Variants in VWC2 observed in about 807,000 individuals in gnomAD.
VWC2 encodes von Willebrand factor C domain containing 2, also known as brorin.
VWC2 carries 14 observed loss-of-function variants against 29.8 expected under a neutral mutation model. The observed-to-expected ratio is 0.47, with a 90% CI of 0.31 to 0.74. The LOEUF (loss-of-function observed/expected upper bound fraction) is 0.74. Among genes scored for constraint, VWC2 ranks in the 30% least tolerant of loss-of-function variants. The probability of loss-of-function intolerance (pLI) is 0.05; values close to 1 mark genes in which losing one functional copy is unlikely to be tolerated. For synonymous variants in VWC2, 213 were observed against 199.0 expected (o/e 1.07, Z -0.59); for missense variants, 457 against 459.8 (o/e 0.99, Z 0.05).
At chr7:49,891,914 T>G (rs946031483) in intron 3 of VWC2, among the ~76,000 whole-genome samples, 1 of 151,460 alleles carries the variant, frequency 6.6e-6, no homozygotes, top group African/African-American at 2.4e-5. Context: ...GAGTAGAAAG[T>G]AAATGTCTAT....
chr7:49,911,201 G>A (rs572281673), intron 3 of VWC2, among the ~76,000 whole-genome samples: 24 of 152,084 alleles, frequency 1.6e-4, no homozygotes, highest in African/African-American at 5.3e-4. Context: ...AATTTTAAAT[G>A]GGCTGGGAGC....
At chr7:49,822,325 C>T (rs142630551) in intron 3 of VWC2, among the ~76,000 whole-genome samples, 54 of 152,314 alleles carry the variant, frequency 3.5e-4, no homozygotes, top group African/African-American at 1.2e-3. Context: ...AGGTAGACCT[C>T]ACATATAATT....
At position 49,798,025 on chromosome 7, in the gene VWC2, T is replaced by G. The variant is rs185434210; in HGVS notation, c.697-4686T>G. ...GTTTCTTCTGGGAAAATGATAACTT[T>G]AGAAGAGGAGAAAAGTTTGTGTCAT... On this transcript the variant is annotated intron_variant, in intron 2 of 3. Coordinates refer to ENST00000340652, the MANE Select transcript of VWC2 (RefSeq NM_198570.5). Among the ~76,000 whole-genome samples the G allele has an allele frequency of 5.3e-5, 8 of 152,354 alleles. No homozygotes were observed. In the East Asian group the frequency reaches 1.5e-3, roughly 29 times the overall value.
chr7:49,848,300 G>A (rs1465245237), intron 3 of VWC2, among the ~76,000 whole-genome samples: 2 of 152,166 alleles, frequency 1.3e-5, no homozygotes, highest in Admixed American at 6.5e-5. Flanking sequence ...AGCCTCCCAC[G>A]GCAGGGTCTT....
chr7:49,871,353 A>G (rs1306983002), intron 3 of VWC2, among the ~76,000 whole-genome samples: 3 of 152,200 alleles, frequency 2.0e-5, no homozygotes, highest in Non-Finnish European at 2.9e-5. Flanking sequence ...GGTATATCCC[A>G]TGGTTTTCTT....
chr7:49,800,568 G>T (rs1450720771), intron 2 of VWC2, among the ~76,000 whole-genome samples: 1 of 152,102 alleles, frequency 6.6e-6, no homozygotes, highest in African/African-American at 2.4e-5. Context: ...CTGGGGCAGG[G>T]TGTTCTGGCT....
chr7:49,775,755 G>C lies in VWC2; in HGVS notation c.320G>C (p.Gly107Ala). The change falls in exon 2 of 4, where the codon GGG becomes GCG. Residue 107 changes from glycine to alanine, a missense_variant. By Grantham distance (60) the Gly-to-Ala change is moderately conservative (BLOSUM62 0). Coordinates refer to ENST00000340652, the MANE Select transcript of VWC2 (RefSeq NM_198570.5). ...TCCCAGGGCGGGGGCGCCAAGGCCG[G>C]GGATCTGCAGGTCCGGCCCCGCGGG... is the stretch of plus-strand genomic sequence containing the variant. ...WVSQGGGAKAGDLQVRPRGDT... is the reference protein window; with the variant it reads ...WVSQGGGAKAADLQVRPRGDT... 5 of 1,512,910 alleles carry C rather than the reference G, an allele frequency of 3.3e-6. No individual in the cohort carries two copies. The highest frequency in any genetic ancestry group is 4.4e-6 in the Non-Finnish European group (5 of 1,133,356). 93.7% of individuals were successfully genotyped at this position (1,512,910 alleles called of 1,614,324 possible). A position where few individuals can be genotyped will look rare whatever the true frequency, so the allele number is the denominator to read the frequency against.
intron 2 of VWC2, among the ~76,000 whole-genome samples, chr7:49,787,272 G>C (rs748087463): frequency 1.3e-5 from 2 of 152,170 alleles, no homozygotes; most frequent in African/African-American, 4.8e-5. Context: ...TGGCCCTTCT[G>C]TATGTATCTT....
chr7:49,838,649 G>A (rs1789721906), intron 3 of VWC2, among the ~76,000 whole-genome samples: 1 of 152,100 alleles, frequency 6.6e-6, no homozygotes, highest in African/African-American at 2.4e-5. Flanking sequence ...CGTACAAGCA[G>A]TGTTTTGAGG....
At chr7:49,839,409 C>A (rs1166327484) in intron 3 of VWC2, among the ~76,000 whole-genome samples, 1 of 152,192 alleles carries the variant, frequency 6.6e-6, no homozygotes, top group Non-Finnish European at 1.5e-5. Context: ...CTAATGCCAT[C>A]AAATTTGAGG....
intron 3 of VWC2, among the ~76,000 whole-genome samples, chr7:49,855,250 T>C (rs1031957688): frequency 6.6e-6 from 1 of 152,216 alleles, no homozygotes; most frequent in African/African-American, 2.4e-5. Flanking sequence ...CAATAAATGG[T>C]TGAGGAAAAC....
chr7:49,834,124 T>A (rs1326019173), intron 3 of VWC2, among the ~76,000 whole-genome samples: 1 of 152,120 alleles, frequency 6.6e-6, no homozygotes, highest in Non-Finnish European at 1.5e-5. Flanking sequence ...ATGGGTAGAC[T>A]TGGGAGTAAA....
At chr7:49,790,494 A>C (rs564077077) in intron 2 of VWC2, among the ~76,000 whole-genome samples, 1 of 152,356 alleles carries the variant, frequency 6.6e-6, no homozygotes, top group East Asian at 1.9e-4. Flanking sequence ...CACAGGCAGC[A>C]GCGTCTCTCT....
chr7:49,832,392 AG>A (rs1227163969), intron 3 of VWC2, among the ~76,000 whole-genome samples: 1 of 152,160 alleles, frequency 6.6e-6, no homozygotes, highest in Non-Finnish European at 1.5e-5. Context: ...CTATTTTCTG[AG>A]AAATAGAGAA....
At chr7:49,779,084 T>A (rs2128701068) in intron 2 of VWC2, among the ~76,000 whole-genome samples, 1 of 151,248 alleles carries the variant, frequency 6.6e-6, no homozygotes, top group Non-Finnish European at 1.5e-5. Flanking sequence ...AGAGGGGAAA[T>A]TACTAGTTAT....
intron 3 of VWC2, among the ~76,000 whole-genome samples, chr7:49,875,369 C>CAAAAAAAAAAAAAAAAAAAAAA (rs71018432): frequency 2.1e-4 from 4 of 19,014 alleles, no homozygotes; most frequent in African/African-American, 2.2e-4. Context: ...GATTCTGACT[C>CAAAAAAAAAAAAAAAAAAAAAA]AAAAAAAAAA....
chr7:49,908,733 T>C (rs938282091), intron 3 of VWC2, among the ~76,000 whole-genome samples: 11 of 152,270 alleles, frequency 7.2e-5, no homozygotes, highest in African/African-American at 2.4e-4. Flanking sequence ...TGAAGATATC[T>C]TCTTAGTTTA....
At chr7:49,886,905 A>G (rs1330312841) in intron 3 of VWC2, among the ~76,000 whole-genome samples, 2 of 151,896 alleles carry the variant, frequency 1.3e-5, no homozygotes, top group African/African-American at 2.4e-5. Flanking sequence ...CTTCTACCCT[A>G]ATTTCTACTT....
chr7:49,812,183 G>A lies in VWC2; in HGVS notation c.826+9343G>A, dbSNP rs546467013. 4.2e-3 allele frequency among the ~76,000 whole-genome samples: 642 copies of A among 152,294 alleles called. 3 individuals are homozygous for A. The highest frequency in any genetic ancestry group is 0.015 in the African/African-American group (608 of 41,560). ...GTGGAGATTAGTCGCAAATCATCAT[G>A]AGGGAATTTATTGAGGTGATGGTAT... On this transcript the variant is annotated intron_variant, in intron 3 of 3. Transcript: ENST00000340652.
Sources: gnomAD v4.1 joint callset for allele counts (sites outside exome capture counted in the v4.1 genomes callset) on GRCh38, gnomAD v4.1.1 for gene constraint, MANE v1.5 for transcripts, NCBI Gene and HGNC (gene_info 2026-07-23, HGNC 2026-07-21) for gene names.